Variants in DDX59 observed in about 807,000 individuals in gnomAD.
DDX59 encodes the protein DEAD-box helicase 59.
DDX59 carries 30 observed loss-of-function variants against 51.9 expected under a neutral mutation model. That is an observed-to-expected ratio of 0.58 (90% CI 0.43 to 0.78). The LOEUF is 0.78. DDX59 is among the 30% of genes least tolerant of loss of function. The pLI, the probability that DDX59 is intolerant of heterozygous loss-of-function variation, is 0.00. For synonymous variants in DDX59, 255 were observed against 253.3 expected (o/e 1.01, Z -0.06); for missense variants, 672 against 730.8 (o/e 0.92, Z 0.93).
intron 2 of DDX59, among the ~76,000 whole-genome samples, chr1:200,665,009 A>G (rs942147059): frequency 2.0e-5 from 3 of 152,180 alleles, no homozygotes; most frequent in Admixed American, 6.5e-5. Context: ...CCTTCCTGCC[A>G]TACTTCATAC....
At position 200,666,502 on chromosome 1, in the gene DDX59, C is replaced by A; in HGVS notation, c.239G>T (p.Gly80Val). 1 of 1,614,144 alleles carries A rather than the reference C, an allele frequency of 6.2e-7. No individual in the cohort carries two copies. The highest frequency in any genetic ancestry group is 8.5e-7 in the Non-Finnish European group (1 of 1,180,006). Residue 80 changes from glycine (G) to valine (V), a missense_variant, in exon 2 of 8, where the codon GGT (glycine) becomes GTT (valine). By Grantham distance (109) the Gly-to-Val change is moderately radical (BLOSUM62 -3). Transcript: ENST00000331314. ...AEVHSVSPEQ[G>V]AKDSHPSEEP... The stretch of plus-strand genomic sequence containing the variant: ...TTCAGAAGGATGGCTGTCCTTCGCA[C>A]CCTGCTCGGGACTTACTGAATGAAC...
rs1571618028 is a variant in DDX59 at position 200,650,554 on chromosome 1, T to G, written c.1185A>C (p.Ala395=). The G allele has an allele frequency of 6.2e-7, 1 of 1,614,154 alleles. No individual in the cohort carries two copies. The change falls in exon 5 of 8, where the codon GCA becomes GCC. Residue 395 remains alanine (A), a synonymous_variant. Transcript: ENST00000331314. ...TCACAGGATTATGCAGAAGCTGGCT[T>G]GCTAGCTGTTCTATGCTAGTTGGAA... ...ATIPTSIEQL[A]SQLLHNPVRI... is the part of the protein sequence containing the mutation.
Position 200,649,087 on chromosome 1 carries a change from T to C in DDX59, c.1454A>G (p.Lys485Arg). 1.3e-6 allele frequency: 2 copies of C among 1,565,390 alleles called. No individual in the cohort carries two copies. Among genetic ancestry groups the C allele is most frequent in the Non-Finnish European group, 1.7e-6 (2 of 1,163,874 alleles). Residue 485 changes from lysine (K) to arginine (R), a missense_variant, in exon 6 of 8, where the codon AAA becomes AGA. Transcript: ENST00000331314. ...IHSEKSQIERKNILKGLLEGD... is the reference protein window; with the variant it reads ...IHSEKSQIERRNILKGLLEGD... ...TGGGTGTCAAACCTTCAATATGTTT[T>C]TCCTTTCTATTTGCGACTTCTCTGA...
intron 2 of DDX59, among the ~76,000 whole-genome samples, chr1:200,664,932 C>T (rs754869417): frequency 8.5e-5 from 13 of 152,230 alleles, no homozygotes; most frequent in Non-Finnish European, 1.3e-4. Flanking sequence ...ACCTCGCCCT[C>T]CCAAAGTGCT....
chr1:200,649,341 G>C (rs758000173), intron 5 of DDX59, 115 bp from the exon 6 acceptor site: 11 of 1,098,826 alleles, frequency 1.0e-5, no homozygotes, highest in Non-Finnish European at 1.4e-5. Flanking sequence ...ATATTGTTAA[G>C]AAGGAGGCTG....
At chr1:200,642,634 T>G (rs1661081021), downstream of DDX59, among the ~76,000 whole-genome samples, 1 of 152,148 alleles carries the variant, frequency 6.6e-6, no homozygotes, top group African/African-American at 2.4e-5. Context: ...GAAGTCAAGA[T>G]TCAGAGAGGC....
chr1:200,662,262 G>A (rs1662424245), intron 3 of DDX59, among the ~76,000 whole-genome samples: 1 of 152,112 alleles, frequency 6.6e-6, no homozygotes, highest in African/African-American at 2.4e-5. Flanking sequence ...GTCCTTGTTT[G>A]TAGCAATCAT....
chr1:200,644,395 A>G lies in DDX59; in HGVS notation c.1719T>C (p.Pro573=). 6.2e-7 allele frequency: 1 copy of G among 1,613,794 alleles called. No individual in the cohort carries two copies. The highest frequency in any genetic ancestry group is 2.2e-5 in the East Asian group (1 of 44,844). The change falls in exon 8 of 8, where the codon CCT becomes CCC. Residue 573 remains proline, a synonymous_variant. Coordinates refer to ENST00000331314, the MANE Select transcript of DDX59 (RefSeq NM_001031725.6). ...RVKPTGSILP[P]QLLNSPYLHD... Reference sequence around the variant, plus strand: ...GAAGGTATGGGGAATTTAATAACTGAGGGGGAAGAATGGATCCTGTGGGCT... The same window carrying G: ...GAAGGTATGGGGAATTTAATAACTGGGGGGGAAGAATGGATCCTGTGGGCT...
At chr1:200,664,320 G>A (rs1029322790) in intron 2 of DDX59, among the ~76,000 whole-genome samples, 5 of 152,090 alleles carry the variant, frequency 3.3e-5, no homozygotes, top group Non-Finnish European at 5.9e-5. Flanking sequence ...GCTGGGGAGA[G>A]GTGTCCACAG....
intron 2 of DDX59, among the ~76,000 whole-genome samples, chr1:200,665,186 T>G (rs968439225): frequency 4.6e-5 from 7 of 152,342 alleles, no homozygotes; most frequent in Admixed American, 4.6e-4. Flanking sequence ...CTAGGTGCGG[T>G]GGCTCATGCC....
chr1:200,642,755 C>T (rs1661085851), downstream of DDX59, among the ~76,000 whole-genome samples: 1 of 152,200 alleles, frequency 6.6e-6, no homozygotes, highest in South Asian at 2.1e-4. Context: ...TGCAACTGCG[C>T]TTAACTCTCA....
chr1:200,663,250 G>A (rs963964374), intron 3 of DDX59, among the ~76,000 whole-genome samples: 3 of 152,110 alleles, frequency 2.0e-5, no homozygotes, highest in Non-Finnish European at 2.9e-5. Context: ...AAGGGGCCCC[G>A]AGGACCCAGC....
rs1662751544 is a variant in DDX59, at chr1:200,666,431, CT to C, written c.309del (p.Glu105AsnfsTer58). The C allele has an allele frequency of 6.2e-7, 1 of 1,614,080 alleles. No homozygotes were observed. The highest frequency in any genetic ancestry group is 1.3e-5 in the African/African-American group (1 of 74,926). On this transcript the variant is annotated frameshift_variant, in exon 2 of 8. Transcript: ENST00000331314. LOFTEE classifies it high-confidence loss of function. Reference protein sequence around the residue: ...SFSKTQRWAEPGEPICVVCGR... With the variant: ...SFSKTQRWAEXGEPICVVCGR... The stretch of plus-strand genomic sequence containing the variant: ...CCACAGACAACACAGATGGGTTCCC[CT>C]GGTTCTGCCCAGCGCTGTGTTTTGG...
intron 3 of DDX59, among the ~76,000 whole-genome samples, chr1:200,660,951 T>C (rs953273583): frequency 2.6e-5 from 4 of 152,336 alleles, no homozygotes; most frequent in South Asian, 4.1e-4. Context: ...CTCTATCCAC[T>C]GGGAAGTCCT....
At chr1:200,651,843 C>T (rs1661681036) in intron 4 of DDX59, among the ~76,000 whole-genome samples, 1 of 151,886 alleles carries the variant, frequency 6.6e-6, no homozygotes, top group Non-Finnish European at 1.5e-5. Context: ...CCTGTCTCTA[C>T]TAAAAATACA....
At chr1:200,654,187 GCGGATCA>G (rs1283625051) in intron 4 of DDX59, among the ~76,000 whole-genome samples, 1 of 152,160 alleles carries the variant, frequency 6.6e-6, no homozygotes, top group Non-Finnish European at 1.5e-5. Context: ...GCCGAGGCGG[GCGGATCA>G]CGAGGTCAGG....
At position 200,658,921 on chromosome 1, in the gene DDX59, T is replaced by C. The variant is rs1305440672; in HGVS notation, c.1062+106A>G. The C allele has an allele frequency of 4.1e-6, 4 of 978,546 alleles. No individual in the cohort carries two copies. The East Asian group carries it at 1.0e-4, about 25-fold the overall frequency. The allele number at this position is 978,546 out of a possible 1,614,324, so 60.6% of individuals were successfully genotyped here. On this transcript the variant is annotated intron_variant, in intron 4 of 7. Coordinates refer to ENST00000331314, the MANE Select transcript of DDX59 (RefSeq NM_001031725.6). ...AATGCTTTAAAAGTCCCTGAGGTTT[T>C]TTTTGAGAGAGAGAAAAGGTACTGA...
chr1:200,666,073 T>G lies in DDX59; in HGVS notation c.668A>C (p.Tyr223Ser). 6.2e-7 allele frequency: 1 copy of G among 1,614,212 alleles called. No individual in the cohort carries two copies. The highest frequency in any genetic ancestry group is 8.5e-7 in the Non-Finnish European group (1 of 1,180,030). The part of the protein sequence containing the change: ...VLNHNLKKSG[Y>S]EVPTPIQMQM... ...CATTTGAATGGGAGTTGGCACCTCA[T>G]AGCCTGATTTCTTCAAGTTGTGATT... The change falls in exon 2 of 8, where the codon TAT becomes TCT. Residue 223 changes from tyrosine (Y) to serine (S), a missense_variant. By Grantham distance (144) the Tyr-to-Ser change is moderately radical (BLOSUM62 -2). Transcript: ENST00000331314.
intron 4 of DDX59, among the ~76,000 whole-genome samples, chr1:200,656,257 C>A (rs1662015200): frequency 6.6e-6 from 1 of 152,196 alleles, no homozygotes; most frequent in Non-Finnish European, 1.5e-5. Context: ...ACCCATTCAT[C>A]TTCATACCAT....
Sources: gnomAD v4.1 joint callset for allele counts (sites outside exome capture counted in the v4.1 genomes callset) on GRCh38, gnomAD v4.1.1 for gene constraint, MANE v1.5 for transcripts, NCBI Gene and HGNC (gene_info 2026-07-23, HGNC 2026-07-21) for gene names.